The following ABCA9 variants were observed in gnomAD, a reference collection of about 807,000 sequenced individuals.
ABCA9 encodes ATP binding cassette subfamily A member 9.
In ABCA9, 183 loss-of-function variants were observed where a neutral mutation model predicts 205.3. The ratio of observed to expected loss-of-function variants is 0.89; its 90% CI spans 0.79 to 1.01. ABCA9 has a LOEUF of 1.01. Among genes scored for constraint, ABCA9 ranks in the 50% least tolerant of loss-of-function variants. The pLI, the probability that ABCA9 is intolerant of heterozygous loss-of-function variation, is 0.00. For missense variants in ABCA9, 1,805 were observed against 1,912.4 expected, an observed-to-expected ratio of 0.94 and a Z score of 1.05; for synonymous variants, 651 against 683.3, an observed-to-expected ratio of 0.95 and a Z score of 0.74.
chr17:69,024,012 A>C (rs1366497920), intron 17 of ABCA9, among the ~76,000 whole-genome samples: 1 of 152,140 alleles, frequency 6.6e-6, no homozygotes, highest in Non-Finnish European at 1.5e-5. Context: ...TAACATCTAC[A>C]TGCCTTGGTT....
chr17:69,018,522 C>T lies in ABCA9; in HGVS notation c.2658G>A (p.Glu886=), dbSNP rs201467703. The T allele has an allele frequency of 1.7e-5, 28 of 1,607,446 alleles. No individual in the cohort carries two copies. The Middle Eastern group carries it at 8.2e-4, about 47-fold the overall frequency. The change falls in exon 20 of 39, where the codon GAG becomes GAA. Residue 886 remains glutamate, a synonymous_variant. Coordinates refer to ENST00000340001, the MANE Select transcript of ABCA9 (RefSeq NM_080283.4). ...IPQLLEHLFY[E]SYQKSYPWEL... ...CCCACGGGTAACTTTTCTGATATGA[C>T]TCGTAGAATAGATGTTCCAAAAGTT...
the ABCA9 span, among the ~76,000 whole-genome samples, chr17:69,069,212 A>G: frequency 6.6e-6 from 1 of 152,322 alleles, no homozygotes; most frequent in African/African-American, 2.4e-5. Context: ...CCTAAAATCC[A>G]GAGAAACAAG....
intron 25 of ABCA9, among the ~76,000 whole-genome samples, chr17:69,000,066 T>C (rs1033442653): frequency 2.0e-5 from 3 of 151,436 alleles, no homozygotes; most frequent in Admixed American, 1.3e-4. Flanking sequence ...TTTTCTCCCA[T>C]GTTGTAGGTT....
intron 10 of ABCA9, among the ~76,000 whole-genome samples, chr17:69,029,854 C>G (rs149758604): frequency 1.1e-3 from 160 of 152,022 alleles, no homozygotes; most frequent in African/African-American, 3.7e-3. Context: ...GGAAAAAGAC[C>G]AGGAAAATGA....
At position 68,974,489 on chromosome 17, in the gene ABCA9, T is replaced by A. The variant is rs1201389588; in HGVS notation, c.*1426A>T. Reference sequence around the variant, plus strand: ...GCCCAAGGTCTCAGACGAATATTCTTACGGGTTGATGGAAGTGTTTTATTT... The same window carrying A: ...GCCCAAGGTCTCAGACGAATATTCTAACGGGTTGATGGAAGTGTTTTATTT... On this transcript the variant is annotated 3_prime_UTR_variant, in exon 39 of 39. Coordinates refer to ENST00000340001, the MANE Select transcript of ABCA9 (RefSeq NM_080283.4). 6.6e-6 allele frequency: 1 copy of A among 152,244 alleles called. No homozygotes were observed. The highest frequency in any genetic ancestry group is 1.9e-4 in the East Asian group (1 of 5,206). 9.4% of individuals were successfully genotyped at this position (152,244 alleles called of 1,614,324 possible).
chr17:69,026,376 C>T lies in ABCA9; in HGVS notation c.2141+1G>A. 6.2e-7 allele frequency: 1 copy of T among 1,612,356 alleles called. No individual in the cohort carries two copies. Among genetic ancestry groups the T allele is most frequent in the Non-Finnish European group, 8.5e-7 (1 of 1,178,626 alleles). The stretch of plus-strand genomic sequence containing the variant: ...CACGTCTCCAACATTCAGGGCTGTA[C>T]CTTAAATGGTAGCCTATGCCCCATT... On this transcript the variant is annotated splice_donor_variant, in intron 16 of 38. Coordinates refer to ENST00000340001, the MANE Select transcript of ABCA9 (RefSeq NM_080283.4). LOFTEE classifies it high-confidence loss of function.
chr17:69,015,551 A>G (rs1013734783), intron 22 of ABCA9, among the ~76,000 whole-genome samples: 4 of 152,174 alleles, frequency 2.6e-5, no homozygotes, highest in African/African-American at 9.7e-5. Context: ...ACATTATTTA[A>G]TGGAAACTTC....
intron 25 of ABCA9, among the ~76,000 whole-genome samples, chr17:69,003,248 G>T (rs917903611): frequency 2.6e-5 from 4 of 152,060 alleles, no homozygotes. Context: ...TTTTGCAGAG[G>T]CTGGTACCAG....
At chr17:69,066,941 G>T in the ABCA9 span, among the ~76,000 whole-genome samples, 1 of 152,128 alleles carries the variant, frequency 6.6e-6, no homozygotes, top group Non-Finnish European at 1.5e-5. Flanking sequence ...CATATTTTTA[G>T]AAGTTATTTA....
At chr17:69,060,666 C>T (rs774078531) in intron 1 of ABCA9, among the ~76,000 whole-genome samples, 200 bp downstream of exon 1, 3 of 152,128 alleles carry the variant, frequency 2.0e-5, no homozygotes, top group Admixed American at 1.3e-4. Context: ...GTTTTAGTTA[C>T]GGGGTAAAAA....
In ABCA9 at chr17:68,975,880, A is replaced by G; in HGVS notation, c.*35T>C. On this transcript the variant is annotated 3_prime_UTR_variant, in exon 39 of 39. Transcript: ENST00000340001. ...ATAAAATATTATCTTTAAAAGAGTCACAGGATTAAAGAAAGATATAGGGTA... is the reference window on the plus strand; with the variant it reads ...ATAAAATATTATCTTTAAAAGAGTCGCAGGATTAAAGAAAGATATAGGGTA... 1.3e-6 allele frequency: 2 copies of G among 1,488,824 alleles called. No individual in the cohort carries two copies. Among genetic ancestry groups the G allele is most frequent in the Non-Finnish European group, 1.9e-6 (2 of 1,075,462 alleles). The allele number at this position is 1,488,824 out of a possible 1,614,324, so 92.2% of individuals were successfully genotyped here. A position where few individuals can be genotyped will look rare whatever the true frequency, so the allele number is the denominator to read the frequency against.
At chr17:69,046,359 G>C (rs1313842713) in intron 3 of ABCA9, among the ~76,000 whole-genome samples, 3 of 152,146 alleles carry the variant, frequency 2.0e-5, no homozygotes, top group African/African-American at 7.2e-5. Context: ...CAATCCAGCA[G>C]CTAGATCCAG....
intron 6 of ABCA9, among the ~76,000 whole-genome samples, chr17:69,041,304 T>G (rs2144434360): frequency 6.6e-6 from 1 of 152,200 alleles, no homozygotes; most frequent in East Asian, 1.9e-4. Flanking sequence ...TGCCTTAGGC[T>G]TTTCTTATGA....
At chr17:69,055,391 A>G (rs2072037991) in intron 1 of ABCA9, among the ~76,000 whole-genome samples, 1 of 152,248 alleles carries the variant, frequency 6.6e-6, no homozygotes, top group African/African-American at 2.4e-5. Flanking sequence ...AAAACAGAAC[A>G]GACTTTTCAT....
At chr17:69,042,771 A>G (rs1454501791) in intron 6 of ABCA9, 1 of 152,206 alleles carries the variant, frequency 6.6e-6, no homozygotes, top group Non-Finnish European at 1.5e-5. Flanking sequence ...TCATCTGCTC[A>G]ACTCATTTAT....
rs972185130 is a variant in ABCA9 at position 69,004,013 on chromosome 17, T to A, written c.3435+3746A>T. Among the ~76,000 whole-genome samples, 107 of 152,272 alleles carry A rather than the reference T, an allele frequency of 7.0e-4. 1 individual carries two copies. Among genetic ancestry groups the A allele is most frequent in the Admixed American group, 5.2e-4 (8 of 15,304 alleles). ...TCTGTATTCGTTATTCTAGTTATACTTTCTTCTAAATTTTTTTCAAAGTTT... is the reference window on the plus strand; with the variant it reads ...TCTGTATTCGTTATTCTAGTTATACATTCTTCTAAATTTTTTTCAAAGTTT... On this transcript the variant is annotated intron_variant, in intron 25 of 38. Transcript: ENST00000340001.
chr17:69,033,653 G>GTACATT, intron 9 of ABCA9, 73 bp downstream of exon 9: 1 of 1,263,250 alleles, frequency 7.9e-7, no homozygotes, highest in Non-Finnish European at 1.1e-6. Context: ...TTTTTATTTA[G>GTACATT]TACATTGTAG....
intron 12 of ABCA9, 113 bp downstream of exon 12, chr17:69,028,422 C>T (rs963845507): frequency 6.7e-6 from 4 of 593,552 alleles, no homozygotes; most frequent in Admixed American, 6.5e-5. Flanking sequence ...GCCTCGGCTT[C>T]CCAAAGTGCT....
intron 10 of ABCA9, among the ~76,000 whole-genome samples, chr17:69,029,539 T>C (rs1357704527): frequency 2.0e-5 from 3 of 152,022 alleles, no homozygotes; most frequent in Non-Finnish European, 4.4e-5. Flanking sequence ...AAGCTGAAGA[T>C]AAAATCAGTG....
Sources: gnomAD v4.1 joint callset for allele counts (sites outside exome capture counted in the v4.1 genomes callset) on GRCh38, gnomAD v4.1.1 for gene constraint, MANE v1.5 for transcripts, NCBI Gene and HGNC (gene_info 2026-07-23, HGNC 2026-07-21) for gene names.